The following VASH2 variants were observed in gnomAD, a reference collection of about 807,000 sequenced individuals.
VASH2 encodes vasohibin 2, also known as tubulinyl-Tyr carboxypeptidase 2.
A neutral mutation model predicts 37.2 loss-of-function variants in VASH2; 28 were observed. That is an observed-to-expected ratio of 0.75 (90% CI 0.56 to 1.03). VASH2 has a LOEUF of 1.03. Ranked by LOEUF, VASH2 falls within the 50% of genes least tolerant of loss-of-function variation. The pLI, the probability that VASH2 is intolerant of heterozygous loss-of-function variation, is 0.00. For synonymous variants in VASH2, 188 were observed against 174.7 expected (o/e 1.08, Z -0.60); for missense variants, 419 against 459.1 (o/e 0.91, Z 0.80).
intron 2 of VASH2, among the ~76,000 whole-genome samples, chr1:212,953,606 C>G (rs1409535506): frequency 6.6e-6 from 1 of 152,156 alleles, no homozygotes; most frequent in Non-Finnish European, 1.5e-5. Context: ...GAACTGAATC[C>G]TAGTCTTGGT....
intron 2 of VASH2, among the ~76,000 whole-genome samples, chr1:212,956,595 G>C (rs1666504814): frequency 6.6e-6 from 1 of 152,184 alleles, no homozygotes; most frequent in African/African-American, 2.4e-5. Context: ...ACAGAAAAAA[G>C]GGATATGCCC....
intron 5 of VASH2, 82 bp from the exon 6 acceptor site, chr1:212,972,498 C>T: frequency 6.4e-7 from 1 of 1,551,500 alleles, no homozygotes; most frequent in Non-Finnish European, 8.7e-7. Flanking sequence ...CTCACTGAAC[C>T]CTGAGACACT....
intron 2 of VASH2, chr1:212,952,608 C>T (rs946148565): frequency 1.3e-5 from 2 of 152,146 alleles, no homozygotes; most frequent in African/African-American, 4.8e-5. Context: ...ATATCTTTAC[C>T]GAGGGAGGGA....
intron 3 of VASH2, among the ~76,000 whole-genome samples, chr1:212,964,239 C>T (rs757050601): frequency 7.2e-4 from 110 of 152,116 alleles, no homozygotes; most frequent in Non-Finnish European, 6.2e-4. Context: ...CAAGGGGTTA[C>T]GTGTGCTCGT....
intron 7 of VASH2, among the ~76,000 whole-genome samples, chr1:212,985,198 C>CT (rs55804989): frequency 0.034 from 3,413 of 100,756 alleles, 175 homozygotes; most frequent in African/African-American, 0.11. Flanking sequence ...ATTTTTTTTG[C>CT]TTTTTTTTTT....
chr1:212,960,046 G>A (rs561818020), intron 2 of VASH2, among the ~76,000 whole-genome samples: 12 of 152,308 alleles, frequency 7.9e-5, no homozygotes, highest in Non-Finnish European at 1.8e-4. Flanking sequence ...GTGAAATAAA[G>A]CGAAAAACAA....
intron 7 of VASH2, among the ~76,000 whole-genome samples, chr1:212,984,948 G>T (rs976031788): frequency 3.3e-5 from 5 of 152,254 alleles, no homozygotes; most frequent in East Asian, 1.9e-4. Context: ...CCTTCCTCAG[G>T]TTGACTTAGC....
intron 3 of VASH2, among the ~76,000 whole-genome samples, chr1:212,962,777 G>T (rs2102630179): frequency 6.6e-6 from 1 of 152,298 alleles, no homozygotes; most frequent in East Asian, 1.9e-4. Context: ...GAGTGAGGCT[G>T]GCAGCCCTAG....
At position 212,991,068 on chromosome 1, in the gene VASH2, C is replaced by A. The variant is rs1332680766; in HGVS notation, c.*2484C>A. The A allele has an allele frequency of 6.6e-6, 1 of 152,124 alleles. No homozygotes were observed. Among genetic ancestry groups the A allele is most frequent in the Non-Finnish European group, 1.5e-5 (1 of 68,008 alleles). The allele number at this position is 152,124 out of a possible 1,614,324, so 9.4% of individuals were successfully genotyped here. ...GTGCAAGAGAAATTTTATGTTTAAG[C>A]CATCATGGCAATATATGCAAAGTTT... is the stretch of plus-strand genomic sequence containing the variant. On this transcript the variant is annotated 3_prime_UTR_variant, in exon 8 of 8. Coordinates refer to ENST00000517399, the MANE Select transcript of VASH2 (RefSeq NM_001301056.2).
chr1:212,980,104 A>G (rs992196325), intron 7 of VASH2, among the ~76,000 whole-genome samples: 1 of 152,176 alleles, frequency 6.6e-6, no homozygotes, highest in East Asian at 1.9e-4. Context: ...CGCAAAGCCC[A>G]GGACCACCCT....
At chr1:212,967,796 A>G (rs1376552779) in intron 5 of VASH2, 1 of 153,270 alleles carries the variant, frequency 6.5e-6, no homozygotes, top group African/African-American at 2.4e-5. Context: ...TTGCAGGCCA[A>G]CCAGACGCAG....
intron 7 of VASH2, among the ~76,000 whole-genome samples, chr1:212,987,394 G>A (rs1667511652): frequency 1.3e-5 from 2 of 151,932 alleles, no homozygotes; most frequent in South Asian, 4.2e-4. Context: ...TGACCAACAT[G>A]GTGAAACCCC....
intron 7 of VASH2, among the ~76,000 whole-genome samples, chr1:212,976,875 G>C (rs1172635411): frequency 2.0e-5 from 3 of 152,314 alleles, no homozygotes; most frequent in Non-Finnish European, 4.4e-5. Flanking sequence ...CAGGAAGAGG[G>C]CATTCTCCTC....
In VASH2 at chr1:212,951,895, C is replaced by G. The variant is rs767590309; in HGVS notation, c.276+77C>G. The G allele has an allele frequency of 6.3e-5, 91 of 1,449,938 alleles. No individual in the cohort carries two copies. The highest frequency in any genetic ancestry group is 8.0e-5 in the Non-Finnish European group (87 of 1,081,078). The allele number at this position is 1,449,938 out of a possible 1,614,324, so 89.8% of individuals were successfully genotyped here. On this transcript the variant is annotated intron_variant, in intron 2 of 7. Coordinates refer to ENST00000517399, the MANE Select transcript of VASH2 (RefSeq NM_001301056.2). The surrounding 1 kb of genome is among the most constrained non-coding windows in gnomAD (Gnocchi z 4.4). Reference sequence around the variant, plus strand: ...TGGGACCGTTTCAGCCTATACATAGCAAACACAGGCAATCTCCATTTTCCT... The same window carrying G: ...TGGGACCGTTTCAGCCTATACATAGGAAACACAGGCAATCTCCATTTTCCT...
intron 7 of VASH2, among the ~76,000 whole-genome samples, chr1:212,984,066 G>C (rs951632405): frequency 6.6e-6 from 1 of 152,180 alleles, no homozygotes; most frequent in Admixed American, 6.5e-5. Context: ...ATGATGCCTG[G>C]CACATCGTTA....
At chr1:212,974,102 G>A (rs745306793) in intron 7 of VASH2, 32 bp downstream of exon 7, 4 of 1,586,196 alleles carry the variant, frequency 2.5e-6, no homozygotes, top group Non-Finnish European at 3.4e-6. Context: ...CCAACTCAAA[G>A]CCCAACACAC....
intron 5 of VASH2, 22 bp downstream of exon 5, chr1:212,966,367 C>T (rs764547309): frequency 6.5e-7 from 1 of 1,546,862 alleles, no homozygotes. Flanking sequence ...GTTATGTATG[C>T]TTAGTTTACT....
chr1:212,975,229 A>G (rs1414791740), intron 7 of VASH2, among the ~76,000 whole-genome samples: 1 of 152,242 alleles, frequency 6.6e-6, no homozygotes, highest in African/African-American at 2.4e-5. Flanking sequence ...TCGGAAGAAC[A>G]GGACAGGACG....
intron 7 of VASH2, among the ~76,000 whole-genome samples, chr1:212,981,874 TCTCCA>T (rs1667348985): frequency 6.6e-6 from 1 of 152,212 alleles, no homozygotes; most frequent in African/African-American, 2.4e-5. Context: ...TGTGGTCATG[TCTCCA>T]CTCCATCACT....
Sources: allele counts gnomAD v4.1 joint callset (sites outside exome capture counted in the v4.1 genomes callset), GRCh38; gene constraint gnomAD v4.1.1; non-coding constraint Gnocchi (gnomAD v3.1); transcripts MANE v1.5; gene names NCBI Gene and HGNC (gene_info 2026-07-23, HGNC 2026-07-21).